SMIM36: variants seen among roughly 807,000 people sequenced by gnomAD.
SMIM36 encodes small integral membrane protein 36.
chr17:55,475,694 C>T (rs1227479637), intron 3 of SMIM36, among the ~76,000 whole-genome samples: 3 of 152,162 alleles, frequency 2.0e-5, no homozygotes, highest in South Asian at 2.1e-4. Context: ...TTACACTGAA[C>T]CCCCTTGGGC....
chr17:55,512,453 T>G (rs534142286), upstream of SMIM36, among the ~76,000 whole-genome samples: 3 of 152,194 alleles, frequency 2.0e-5, no homozygotes, highest in Non-Finnish European at 4.4e-5. Flanking sequence ...GAATTTGCAT[T>G]TTAAAGAGAT....
intron 3 of SMIM36, among the ~76,000 whole-genome samples, chr17:55,476,619 G>A (rs1300996172): frequency 6.6e-6 from 1 of 151,946 alleles, no homozygotes; most frequent in African/African-American, 2.4e-5. Flanking sequence ...CCCAGGTGGA[G>A]TGCAGTGGCA....
the SMIM36 span, among the ~76,000 whole-genome samples, chr17:55,531,257 A>G: frequency 6.6e-6 from 1 of 152,092 alleles, no homozygotes; most frequent in Non-Finnish European, 1.5e-5. Context: ...ATAATGTGGC[A>G]GTTACTTGTA....
intron 3 of SMIM36, among the ~76,000 whole-genome samples, chr17:55,475,894 C>T (rs1909418785): frequency 6.6e-6 from 1 of 152,118 alleles, no homozygotes; most frequent in Non-Finnish European, 1.5e-5. Flanking sequence ...TCACCCCTTA[C>T]CCCAAAATCT....
intron 1 of SMIM36, among the ~76,000 whole-genome samples, chr17:55,508,630 G>C (rs12951244): frequency 0.33 from 49,147 of 151,216 alleles, 9,837 homozygotes; most frequent in Non-Finnish European, 0.44. Flanking sequence ...CATTATAAAA[G>C]TGAAGATGGT....
chr17:55,530,034 C>A, the SMIM36 span, among the ~76,000 whole-genome samples: 1 of 152,196 alleles, frequency 6.6e-6, no homozygotes, highest in African/African-American at 2.4e-5. Flanking sequence ...ATTTCACCAT[C>A]AAACTGAAAG....
chr17:55,450,621 C>T (rs1297588651), intron 4 of SMIM36, among the ~76,000 whole-genome samples: 1 of 152,160 alleles, frequency 6.6e-6, no homozygotes, highest in Non-Finnish European at 1.5e-5. Flanking sequence ...AGTGTGAGCC[C>T]AGACGTGGAA....
At chr17:55,507,966 C>G (rs1254722148) in intron 1 of SMIM36, among the ~76,000 whole-genome samples, 1 of 152,116 alleles carries the variant, frequency 6.6e-6, no homozygotes, top group Non-Finnish European at 1.5e-5. Context: ...TTACAAGGCA[C>G]TGGAGAAACC....
At chr17:55,464,198 A>G (rs893042415) in intron 4 of SMIM36, among the ~76,000 whole-genome samples, 4 of 152,214 alleles carry the variant, frequency 2.6e-5, no homozygotes, top group African/African-American at 9.6e-5. Context: ...CTACTATTCT[A>G]TGGCTTGAAA....
chr17:55,486,401 G>A (rs978182023), intron 1 of SMIM36, among the ~76,000 whole-genome samples: 8 of 152,114 alleles, frequency 5.3e-5, no homozygotes, highest in Non-Finnish European at 1.2e-4. Context: ...GTTTACCTTG[G>A]CATGTTCCTC....
chr17:55,497,724 A>T (rs1909834205), intron 1 of SMIM36, among the ~76,000 whole-genome samples: 1 of 152,066 alleles, frequency 6.6e-6, no homozygotes, highest in South Asian at 2.1e-4. Flanking sequence ...AGCAAAACAA[A>T]ACCCCCACAA....
chr17:55,463,065 A>G (rs1909173373), intron 4 of SMIM36, among the ~76,000 whole-genome samples: 1 of 152,168 alleles, frequency 6.6e-6, no homozygotes, highest in African/African-American at 2.4e-5. Context: ...GGAGTTCCAC[A>G]TGATCCTCCA....
intron 4 of SMIM36, among the ~76,000 whole-genome samples, chr17:55,453,674 C>T (rs1302708657): frequency 6.6e-6 from 1 of 152,132 alleles, no homozygotes; most frequent in Non-Finnish European, 1.5e-5. Flanking sequence ...CAGAACATTA[C>T]CAGATCCCCT....
At chr17:55,503,958 A>C (rs374083579) in intron 1 of SMIM36, among the ~76,000 whole-genome samples, 1 of 112,332 alleles carries the variant, frequency 8.9e-6, no homozygotes, top group Admixed American at 9.0e-5. Context: ...TAAACCAACA[A>C]AGATCAAAAG....
chr17:55,513,003 T>C (rs561093670), upstream of SMIM36, among the ~76,000 whole-genome samples: 2 of 152,286 alleles, frequency 1.3e-5, no homozygotes, highest in African/African-American at 4.8e-5. Flanking sequence ...CCAAATAATA[T>C]CGTCCATGAT....
chr17:55,461,880 T>C (rs1037771595), intron 4 of SMIM36, among the ~76,000 whole-genome samples: 1 of 152,198 alleles, frequency 6.6e-6, no homozygotes, highest in African/African-American at 2.4e-5. Flanking sequence ...GGTTAGTCAA[T>C]AGAACAATTC....
chr17:55,491,886 G>A (rs558400600), intron 1 of SMIM36, among the ~76,000 whole-genome samples: 6 of 152,238 alleles, frequency 3.9e-5, no homozygotes, highest in African/African-American at 1.2e-4. Context: ...TAGGCGGGGC[G>A]GGGTGGCTCA....
intron 1 of SMIM36, among the ~76,000 whole-genome samples, chr17:55,495,609 G>T (rs1011921415): frequency 2.7e-4 from 40 of 150,410 alleles, no homozygotes; most frequent in African/African-American, 9.7e-4. Context: ...GCAACATAGT[G>T]AGAACCCTGT....
At chr17:55,453,790 G>A (rs1165708543) in intron 4 of SMIM36, among the ~76,000 whole-genome samples, 1 of 152,158 alleles carries the variant, frequency 6.6e-6, no homozygotes, top group Admixed American at 6.6e-5. Flanking sequence ...CAGTAAAATA[G>A]ATATTTAGAG....
Sources: gnomAD v4.1 joint callset for allele counts (sites outside exome capture counted in the v4.1 genomes callset) on GRCh38, gnomAD v4.1.1 for gene constraint, MANE v1.5 for transcripts, NCBI Gene and HGNC (gene_info 2026-07-23, HGNC 2026-07-21) for gene names.